The following KIF21A variants were observed in gnomAD, a reference collection of about 807,000 sequenced individuals.
KIF21A encodes kinesin family member 21A, also known as kinesin-like protein KIF21A.
In KIF21A, 114 loss-of-function variants were observed where a neutral mutation model predicts 202.9. The ratio of observed to expected loss-of-function variants is 0.56; its 90% CI spans 0.48 to 0.66. KIF21A has a LOEUF of 0.66. KIF21A is among the 30% of genes least tolerant of loss of function. The pLI, the probability that KIF21A is intolerant of heterozygous loss-of-function variation, is 0.00. For synonymous variants in KIF21A, 667 were observed against 670.8 expected, an observed-to-expected ratio of 0.99 and a Z score of 0.09; for missense variants, 1,677 against 1,994.9, an observed-to-expected ratio of 0.84 and a Z score of 3.04.
chr12:39,294,560 G>T, intron 37 of KIF21A, 43 bp from the exon 38 acceptor site: 1 of 1,369,620 alleles, frequency 7.3e-7, no homozygotes, highest in Non-Finnish European at 1.0e-6. Flanking sequence ...AACAAGGGCA[G>T]AAAGATAAAG....
At chr12:39,409,056 T>C (rs915041226) in intron 1 of KIF21A, among the ~76,000 whole-genome samples, 3 of 151,888 alleles carry the variant, frequency 2.0e-5, no homozygotes, top group Admixed American at 6.6e-5. Context: ...GGCTGGTCTC[T>C]AACTCCTGGT....
intron 1 of KIF21A, among the ~76,000 whole-genome samples, chr12:39,411,814 G>C (rs1222630671): frequency 6.6e-6 from 1 of 152,110 alleles, no homozygotes; most frequent in Non-Finnish European, 1.5e-5. Context: ...TGGGATTATA[G>C]GTATGAGCCA....
Position 39,328,597 on chromosome 12 carries a change from C to T in KIF21A, c.3340+1645G>A, listed in dbSNP as rs577910640. Among the ~76,000 whole-genome samples the T allele has an allele frequency of 1.1e-4, 17 of 152,298 alleles. No homozygotes were observed. The South Asian group carries it at 2.1e-3, about 19-fold the overall frequency. Reference sequence around the variant, plus strand: ...GAAAAATAAGGATGTTCTTTAAAGGCTACAAAAGTACAACCCTGTGAGCAT... The same window carrying T: ...GAAAAATAAGGATGTTCTTTAAAGGTTACAAAAGTACAACCCTGTGAGCAT... On this transcript the variant is annotated intron_variant, in intron 24 of 37. Coordinates refer to ENST00000361418, the MANE Select transcript of KIF21A (RefSeq NM_001173464.2).
chr12:39,427,494 A>C (rs1054394739), intron 1 of KIF21A, among the ~76,000 whole-genome samples: 1 of 152,228 alleles, frequency 6.6e-6, no homozygotes, highest in East Asian at 1.9e-4. Flanking sequence ...AAGTCAGTGA[A>C]ACAGAAGGGA....
intron 27 of KIF21A, among the ~76,000 whole-genome samples, chr12:39,320,264 AAT>A (rs1348855666): frequency 6.6e-6 from 1 of 152,204 alleles, no homozygotes; most frequent in African/African-American, 2.4e-5. Context: ...TTTGAATATA[AAT>A]ATCAGTGATA....
chr12:39,303,068 T>A lies in KIF21A; in HGVS notation c.4628A>T (p.Tyr1543Phe). 6.2e-7 allele frequency: 1 copy of A among 1,614,022 alleles called. No individual in the cohort carries two copies. Among genetic ancestry groups the A allele is most frequent in the Non-Finnish European group, 8.5e-7 (1 of 1,179,926 alleles). Residue 1543 changes from tyrosine (Y) to phenylalanine (F), a missense_variant, in exon 36 of 38, where the codon TAT becomes TTT. This residue lies in a region of KIF21A where 705 missense variants were observed against 791.9 expected (regional missense o/e 0.89). Coordinates refer to ENST00000361418, the MANE Select transcript of KIF21A (RefSeq NM_001173464.2). ...AATGGTTAGTGCTTCTATGCCATCA[T>A]AATGAGGGGGTTCAAAATTGTGGGT... ...SPTHNFEPPH[Y>F]DGIEALTIQG...
intron 15 of KIF21A, among the ~76,000 whole-genome samples, 183 bp from the exon 16 acceptor site, chr12:39,340,547 A>G (rs1947355229): frequency 6.6e-6 from 1 of 152,108 alleles, no homozygotes; most frequent in African/African-American, 2.4e-5. Context: ...ATGATTATTG[A>G]AGCTTATTTA....
intron 22 of KIF21A, 34 bp from the exon 23 acceptor site, chr12:39,330,945 C>T (rs781719009): frequency 2.7e-5 from 44 of 1,605,992 alleles, no homozygotes; most frequent in African/African-American, 2.0e-4. Context: ...TTAGGTCATA[C>T]GAAACAGGAT....
At chr12:39,425,604 C>A (rs1954681281) in intron 1 of KIF21A, among the ~76,000 whole-genome samples, 1 of 151,990 alleles carries the variant, frequency 6.6e-6, no homozygotes, top group Admixed American at 6.6e-5. Context: ...ACAAAGCAAT[C>A]TATGAATAAA....
intron 14 of KIF21A, 41 bp from the exon 15 acceptor site, chr12:39,341,135 C>T (rs766973370): frequency 7.1e-7 from 1 of 1,402,988 alleles, no homozygotes. Flanking sequence ...GGTGCTAGGC[C>T]AAAATATCAG....
chr12:39,418,453 T>C (rs1378458769), intron 1 of KIF21A, among the ~76,000 whole-genome samples: 1 of 152,214 alleles, frequency 6.6e-6, no homozygotes, highest in African/African-American at 2.4e-5. Context: ...GAAAACAATA[T>C]AGGACTTCCT....
intron 20 of KIF21A, 65 bp from the exon 21 acceptor site, chr12:39,332,473 A>ATGGGGGGC: frequency 1.3e-6 from 1 of 787,554 alleles, no homozygotes; most frequent in Non-Finnish European, 2.0e-6. Flanking sequence ...GTACCATCAA[A>ATGGGGGGC]CCCCCCCACC....
At chr12:39,310,097 C>T (rs1943881197) in intron 32 of KIF21A, among the ~76,000 whole-genome samples, 1 of 152,082 alleles carries the variant, frequency 6.6e-6, no homozygotes, top group Non-Finnish European at 1.5e-5. Flanking sequence ...AGATCAGCCT[C>T]TTCAAAACAT....
chr12:39,362,901 C>T (rs1251472590), intron 7 of KIF21A, among the ~76,000 whole-genome samples, 197 bp downstream of exon 7: 1 of 152,168 alleles, frequency 6.6e-6, no homozygotes, highest in East Asian at 1.9e-4. Flanking sequence ...ATAATACCTA[C>T]ACCTCAAGGG....
At position 39,294,173 on chromosome 12, in the gene KIF21A, C is replaced by A; in HGVS notation, c.*251G>T. 2 of 376,366 alleles carry A rather than the reference C, an allele frequency of 5.3e-6. No individual in the cohort carries two copies. 23.3% of individuals were successfully genotyped at this position (376,366 alleles called of 1,614,324 possible). Reference sequence around the variant, plus strand: ...TTTATAGATAGGCACAAAAATTCAGCCACAATAAAAGTGTGAATAAAGCAA... The same window carrying A: ...TTTATAGATAGGCACAAAAATTCAGACACAATAAAAGTGTGAATAAAGCAA... On this transcript the variant is annotated 3_prime_UTR_variant, in exon 38 of 38. Transcript: ENST00000361418.
chr12:39,327,934 C>T (rs1267098552), intron 24 of KIF21A, among the ~76,000 whole-genome samples: 1 of 152,228 alleles, frequency 6.6e-6, no homozygotes, highest in Non-Finnish European at 1.5e-5. Context: ...TTCACAGTCT[C>T]ACTTCACTGG....
At chr12:39,325,676 A>G (rs1030654772) in intron 26 of KIF21A, among the ~76,000 whole-genome samples, 163 bp downstream of exon 26, 4 of 151,926 alleles carry the variant, frequency 2.6e-5, no homozygotes, top group Admixed American at 6.6e-5. Context: ...TTCAGTTACC[A>G]CTTAAAGGGA....
chr12:39,430,246 T>C (rs1312331143), intron 1 of KIF21A, among the ~76,000 whole-genome samples: 1 of 151,858 alleles, frequency 6.6e-6, no homozygotes, highest in Non-Finnish European at 1.5e-5. Flanking sequence ...TCCATGCTTT[T>C]TTCCATAAGT....
chr12:39,331,848 A>G (rs1307239613), intron 21 of KIF21A, 57 bp from the exon 22 acceptor site: 14 of 1,251,684 alleles, frequency 1.1e-5, no homozygotes, highest in Non-Finnish European at 1.5e-5. Context: ...ACAGAAGGCA[A>G]CAGCCTATTG....
Sources: allele counts gnomAD v4.1 joint callset (sites outside exome capture counted in the v4.1 genomes callset), GRCh38; gene constraint gnomAD v4.1.1; regional missense constraint gnomAD v4.1.1; transcripts MANE v1.5; gene names NCBI Gene and HGNC (gene_info 2026-07-23, HGNC 2026-07-21).